RANGAP1: variants seen among roughly 807,000 people sequenced by gnomAD.
RANGAP1 encodes the protein Ran GTPase activating protein 1, also known as ran GTPase-activating protein 1.
In RANGAP1, 38 loss-of-function variants were observed where a neutral mutation model predicts 63.5. The observed-to-expected ratio is 0.60, with a 90% CI of 0.46 to 0.78. The LOEUF (loss-of-function observed/expected upper bound fraction) is 0.78, where lower values mean the gene tolerates loss of function less well. RANGAP1 is among the 30% of genes least tolerant of loss of function. The pLI, the probability that RANGAP1 is intolerant of heterozygous loss-of-function variation, is 0.00. For missense variants in RANGAP1, 630 were observed against 740.3 expected, an observed-to-expected ratio of 0.85 and a Z score of 1.73; for synonymous variants, 329 against 310.5, an observed-to-expected ratio of 1.06 and a Z score of -0.63.
At chr22:41,286,790 C>T (rs937500844), upstream of RANGAP1, among the ~76,000 whole-genome samples, 2 of 152,236 alleles carry the variant, frequency 1.3e-5, no homozygotes, top group African/African-American at 4.8e-5. Flanking sequence ...ATTCATCGCA[C>T]GCTTTCTGTG....
rs1002070144 is a variant in RANGAP1 at position 41,246,168 on chromosome 22, A to G, written c.*435T>C. On this transcript the variant is annotated 3_prime_UTR_variant, in exon 16 of 16. Transcript: ENST00000356244. ...CCCAGGCAGGGCAGGAAACAACCCA[A>G]TCACAACACAGAGGGGAAGGACAGC... 8.3e-5 allele frequency: 15 copies of G among 181,802 alleles called. No individual in the cohort carries two copies. Among genetic ancestry groups the G allele is most frequent in the Non-Finnish European group, 1.2e-4 (10 of 85,830 alleles). 11.3% of individuals were successfully genotyped at this position (181,802 alleles called of 1,614,324 possible). A position where few individuals can be genotyped will look rare whatever the true frequency, so the allele number is the denominator to read the frequency against.
upstream of RANGAP1, among the ~76,000 whole-genome samples, chr22:41,289,641 CTG>C (rs2035815196): frequency 6.6e-6 from 1 of 152,012 alleles, no homozygotes; most frequent in Non-Finnish European, 1.5e-5. Context: ...AGAATCATCA[CTG>C]TTTCCAAGCA....
At chr22:41,262,380 C>T (rs1419982543) in intron 5 of RANGAP1, among the ~76,000 whole-genome samples, 1 of 152,142 alleles carries the variant, frequency 6.6e-6, no homozygotes, top group African/African-American at 2.4e-5. Context: ...CTGATGTTTG[C>T]AGAGCACCTG....
At chr22:41,265,534 G>A (rs1345205293) in intron 4 of RANGAP1, among the ~76,000 whole-genome samples, 1 of 152,186 alleles carries the variant, frequency 6.6e-6, no homozygotes, top group Non-Finnish European at 1.5e-5. Flanking sequence ...CCCTGTTCGT[G>A]CAGGAGGAGG....
intron 1 of RANGAP1, chr22:41,281,730 C>T: frequency 1.3e-6 from 1 of 789,122 alleles, no homozygotes; most frequent in Non-Finnish European, 1.5e-6. Context: ...GACAGGGCTG[C>T]TACCTATGAA....
At chr22:41,262,759 C>T (rs1210815178) in intron 5 of RANGAP1, among the ~76,000 whole-genome samples, 1 of 152,190 alleles carries the variant, frequency 6.6e-6, no homozygotes, top group Non-Finnish European at 1.5e-5. Flanking sequence ...TGCTAGGTCA[C>T]CCCCATTCTC....
intron 15 of RANGAP1, among the ~76,000 whole-genome samples, chr22:41,246,927 C>T (rs1423700535): frequency 6.6e-6 from 1 of 152,238 alleles, no homozygotes; most frequent in Non-Finnish European, 1.5e-5. Context: ...TCCAAGGGCC[C>T]TTCCAGCAGA....
chr22:41,249,459 GA>G lies in RANGAP1; in HGVS notation c.1573-9del. The G allele has an allele frequency of 6.2e-7, 1 of 1,612,612 alleles. No individual in the cohort carries two copies. The highest frequency in any genetic ancestry group is 8.5e-7 in the Non-Finnish European group (1 of 1,179,800). On this transcript the variant is annotated splice_polypyrimidine_tract_variant and intron_variant, in intron 14 of 15. Coordinates refer to ENST00000356244, the MANE Select transcript of RANGAP1 (RefSeq NM_002883.4). ...CTTGACCTTGTCTTCACTCTGAGAG[GA>G]ACACAGCGAAAAGCGGGGTGAGCTT... is the stretch of plus-strand genomic sequence containing the variant.
upstream of RANGAP1, among the ~76,000 whole-genome samples, chr22:41,288,920 AT>A (rs10657576): frequency 2.9e-3 from 320 of 111,104 alleles, 1 homozygote; most frequent in African/African-American, 8.8e-3. Flanking sequence ...CTATATCCTG[AT>A]TTTTTTTTTT....
intron 4 of RANGAP1, among the ~76,000 whole-genome samples, chr22:41,266,282 C>G (rs1170742519): frequency 7.9e-6 from 1 of 126,050 alleles, no homozygotes; most frequent in East Asian, 2.3e-4. Context: ...GCCTACTCCA[C>G]CACATGCCAT....
chr22:41,302,165 C>G, the RANGAP1 span, among the ~76,000 whole-genome samples: 1 of 152,030 alleles, frequency 6.6e-6, no homozygotes, highest in South Asian at 2.1e-4. This position sits in a 1 kb window ranked among gnomAD's most constrained non-coding sequence, Gnocchi z 5.7. Flanking sequence ...CTTTGCCGAC[C>G]CCGCGCAGGG....
rs1290446924 is a variant in RANGAP1, at chr22:41,280,736, T to C, written c.112+197A>G. On this transcript the variant is annotated intron_variant, in intron 2 of 15. Coordinates refer to ENST00000356244, the MANE Select transcript of RANGAP1 (RefSeq NM_002883.4). ...CACAAAGGGATGCCCAATACAAACA[T>C]GGAAAGTGCAGGGGAGCTTGCTCCT... is the stretch of plus-strand genomic sequence containing the variant. 5.3e-6 allele frequency: 8 copies of C among 1,515,308 alleles called. No individual in the cohort carries two copies. The East Asian group carries it at 1.8e-4, about 34-fold the overall frequency. 93.9% of individuals were successfully genotyped at this position (1,515,308 alleles called of 1,614,324 possible).
chr22:41,298,133 C>T, the RANGAP1 span, among the ~76,000 whole-genome samples: 1 of 151,802 alleles, frequency 6.6e-6, no homozygotes, highest in Non-Finnish European at 1.5e-5. Flanking sequence ...GCTGGGATTA[C>T]AGGCATGAGC....
At chr22:41,256,670 A>C in intron 8 of RANGAP1, 41 bp downstream of exon 8, 4 of 1,574,534 alleles carry the variant, frequency 2.5e-6, no homozygotes, top group Non-Finnish European at 3.5e-6. Flanking sequence ...CCCACCACCC[A>C]CAGACCCCAG....
the RANGAP1 span, among the ~76,000 whole-genome samples, chr22:41,300,912 A>G: frequency 3.3e-5 from 5 of 152,094 alleles, no homozygotes; most frequent in Non-Finnish European, 5.9e-5. Flanking sequence ...TTTCCTATGC[A>G]CTGGCGCTCA....
intron 6 of RANGAP1, 32 bp from the exon 7 acceptor site, chr22:41,258,138 C>T (rs1341191107): frequency 9.6e-6 from 15 of 1,561,216 alleles, no homozygotes; most frequent in Non-Finnish European, 1.3e-5. Context: ...TGGAGGGGGC[C>T]CCGAGTGCCA....
At chr22:41,288,024 A>G (rs1483754058), upstream of RANGAP1, among the ~76,000 whole-genome samples, 1 of 152,128 alleles carries the variant, frequency 6.6e-6, no homozygotes, top group Non-Finnish European at 1.5e-5. Context: ...TTAACAGATC[A>G]TGCCATATCC....
chr22:41,255,806 G>C (rs940026991), intron 10 of RANGAP1, among the ~76,000 whole-genome samples: 10 of 151,876 alleles, frequency 6.6e-5, no homozygotes, highest in African/African-American at 1.2e-4. Context: ...ACAAATAAAG[G>C]GGCCAGGTGT....
intron 6 of RANGAP1, among the ~76,000 whole-genome samples, chr22:41,260,012 AT>A (rs139514): frequency 9.8e-4 from 143 of 146,536 alleles, no homozygotes; most frequent in Admixed American, 1.4e-3. Flanking sequence ...CCTCAATAAA[AT>A]TTTTTTTTTT....
Sources: allele counts gnomAD v4.1 joint callset (sites outside exome capture counted in the v4.1 genomes callset), GRCh38; gene constraint gnomAD v4.1.1; non-coding constraint Gnocchi (gnomAD v3.1); transcripts MANE v1.5; gene names NCBI Gene and HGNC (gene_info 2026-07-23, HGNC 2026-07-21).